The following CNTN4 variants were observed in gnomAD, a reference collection of about 807,000 sequenced individuals.
CNTN4 encodes contactin 4, also known as contactin-4.
CNTN4 carries 77 observed loss-of-function variants against 122.5 expected under a neutral mutation model. That is an observed-to-expected ratio of 0.63 (90% CI 0.52 to 0.76). The LOEUF (loss-of-function observed/expected upper bound fraction) is 0.76. Among genes scored for constraint, CNTN4 ranks in the 30% least tolerant of loss-of-function variants. The pLI, the probability that CNTN4 is intolerant of heterozygous loss-of-function variation, is 0.00. For missense variants in CNTN4, 1,256 were observed against 1,259.1 expected (o/e 1.00, Z 0.04); for synonymous variants, 512 against 447.0 (o/e 1.15, Z -1.83).
At chr3:2,918,546 C>G (rs2094393843) in intron 12 of CNTN4, among the ~76,000 whole-genome samples, 1 of 152,194 alleles carries the variant, frequency 6.6e-6, no homozygotes, top group South Asian at 2.1e-4. Context: ...CTATGTATCT[C>G]TTCTCAACCC....
intron 6 of CNTN4, among the ~76,000 whole-genome samples, chr3:2,802,719 C>A (rs748676182): frequency 6.6e-6 from 1 of 152,076 alleles, no homozygotes; most frequent in Non-Finnish European, 1.5e-5. Context: ...GTGCTTGGGG[C>A]AACTTTGCAG....
At chr3:2,116,191 C>T (rs1446962194) in intron 2 of CNTN4, among the ~76,000 whole-genome samples, 8 of 152,128 alleles carry the variant, frequency 5.3e-5, no homozygotes, top group Non-Finnish European at 1.2e-4. Flanking sequence ...CTAGTAAATG[C>T]ACTTTCATAC....
chr3:2,295,778 C>G (rs1317611531), intron 2 of CNTN4, among the ~76,000 whole-genome samples: 2 of 152,060 alleles, frequency 1.3e-5, no homozygotes, highest in Non-Finnish European at 2.9e-5. Flanking sequence ...ATCGTATTGC[C>G]TAGGTTTTTT....
intron 13 of CNTN4, among the ~76,000 whole-genome samples, chr3:2,983,402 C>G (rs1328743658): frequency 1.3e-5 from 2 of 152,056 alleles, no homozygotes; most frequent in South Asian, 4.2e-4. Context: ...AGTGGCAGAA[C>G]TACTCAGCAG....
chr3:2,878,490 A>G lies in CNTN4; in HGVS notation c.653-4655A>G, dbSNP rs1049793648. 4.6e-5 allele frequency among the ~76,000 whole-genome samples: 7 copies of G among 152,182 alleles called. No homozygotes were observed. The South Asian group carries it at 6.2e-4, about 14-fold the overall frequency. On this transcript the variant is annotated intron_variant, in intron 8 of 24. Coordinates refer to ENST00000418658, the MANE Select transcript of CNTN4 (RefSeq NM_175607.3). ...TTGGGCTAAGATTTGTGAAGGATACAGAAAAAAATGAGAAGAATTTCTATC... is the reference window on the plus strand; with the variant it reads ...TTGGGCTAAGATTTGTGAAGGATACGGAAAAAAATGAGAAGAATTTCTATC...
chr3:2,501,839 C>G (rs2076603070), intron 3 of CNTN4, among the ~76,000 whole-genome samples: 1 of 152,240 alleles, frequency 6.6e-6, no homozygotes, highest in East Asian at 1.9e-4. Context: ...CGACATAACA[C>G]CTAGATTCCA....
chr3:2,713,289 C>G (rs115759841), intron 4 of CNTN4, among the ~76,000 whole-genome samples: 1 of 152,166 alleles, frequency 6.6e-6, no homozygotes, highest in African/African-American at 2.4e-5. Context: ...CACGCACACA[C>G]ATTTGGTCAC....
intron 3 of CNTN4, among the ~76,000 whole-genome samples, chr3:2,354,249 G>T (rs2044771603): frequency 6.6e-6 from 1 of 152,130 alleles, no homozygotes; most frequent in Admixed American, 6.5e-5. Context: ...CTGTATTTTG[G>T]GCTGGGCATG....
At chr3:2,172,444 G>A (rs1254612589) in intron 2 of CNTN4, among the ~76,000 whole-genome samples, 1 of 152,026 alleles carries the variant, frequency 6.6e-6, no homozygotes, top group African/African-American at 2.4e-5. Context: ...TACATATTGG[G>A]TACAGTGTTC....
chr3:2,693,342 T>A (rs1462567254), intron 4 of CNTN4, among the ~76,000 whole-genome samples: 2 of 152,182 alleles, frequency 1.3e-5, no homozygotes, highest in African/African-American at 4.8e-5. Flanking sequence ...CGGTCCCTGT[T>A]AAGTCTTAGT....
chr3:2,194,252 C>T (rs1259078601), intron 2 of CNTN4, among the ~76,000 whole-genome samples: 2 of 151,924 alleles, frequency 1.3e-5, no homozygotes, highest in African/African-American at 2.4e-5. Context: ...TCACTTGAGC[C>T]CAGGAGTTTG....
intron 2 of CNTN4, among the ~76,000 whole-genome samples, chr3:2,122,054 C>T (rs369221110): frequency 6.6e-6 from 1 of 151,598 alleles, no homozygotes; most frequent in East Asian, 1.9e-4. Context: ...ACTCGGGAGG[C>T]TGAGGCAGGA....
intron 6 of CNTN4, among the ~76,000 whole-genome samples, chr3:2,799,537 A>G (rs2675320): frequency 0.61 from 92,434 of 151,426 alleles, 28,373 homozygotes; most frequent in South Asian, 0.75. Flanking sequence ...ATCTCGGGTC[A>G]CTGCAACCTC....
At chr3:2,254,858 T>G (rs2040515587) in intron 2 of CNTN4, among the ~76,000 whole-genome samples, 1 of 152,230 alleles carries the variant, frequency 6.6e-6, no homozygotes, top group Non-Finnish European at 1.5e-5. Context: ...TGATGATAGT[T>G]TCTTTTGCTG....
chr3:2,592,253 C>G (rs1364821725), intron 4 of CNTN4, among the ~76,000 whole-genome samples: 2 of 152,160 alleles, frequency 1.3e-5, no homozygotes, highest in Admixed American at 6.5e-5. Context: ...TAATATGGCA[C>G]TGATACATAA....
chr3:2,984,862 T>G (rs1694402639), intron 13 of CNTN4, among the ~76,000 whole-genome samples: 1 of 152,258 alleles, frequency 6.6e-6, no homozygotes, highest in African/African-American at 2.4e-5. Flanking sequence ...ACATATTGAA[T>G]TCTCATATGC....
intron 2 of CNTN4, among the ~76,000 whole-genome samples, chr3:2,120,390 TATATATATATATA>T (rs1559260877): frequency 2.1e-4 from 6 of 28,790 alleles, no homozygotes; most frequent in Non-Finnish European, 4.9e-4. Context: ...TATATATATA[TATATATATATATA>T]TATTTTTTTT....
intron 14 of CNTN4, among the ~76,000 whole-genome samples, chr3:3,024,558 A>G (rs1351951373): frequency 6.6e-6 from 1 of 151,938 alleles, no homozygotes; most frequent in Non-Finnish European, 1.5e-5. Context: ...TTCTCATTTC[A>G]TGGACATCAC....
chr3:2,719,715 C>T (rs1407426302), intron 4 of CNTN4, among the ~76,000 whole-genome samples: 6 of 152,086 alleles, frequency 3.9e-5, no homozygotes, highest in Non-Finnish European at 8.8e-5. Flanking sequence ...TGAGCCACCA[C>T]GCTGGGCCAA....
Sources: gnomAD v4.1 joint callset for allele counts (sites outside exome capture counted in the v4.1 genomes callset) on GRCh38, gnomAD v4.1.1 for gene constraint, MANE v1.5 for transcripts, NCBI Gene and HGNC (gene_info 2026-07-23, HGNC 2026-07-21) for gene names.